The following P2RX1 variants were observed in gnomAD, a reference collection of about 807,000 sequenced individuals.
P2RX1 encodes P2X purinoceptor 1.
A neutral mutation model predicts 50.3 loss-of-function variants in P2RX1; 42 were observed. The ratio of observed to expected loss-of-function variants is 0.83; its 90% CI spans 0.65 to 1.08. P2RX1 has a LOEUF of 1.08. Ranked by LOEUF, P2RX1 falls within the 50% of genes least tolerant of loss-of-function variation. P2RX1 has a pLI of 0.00. For synonymous variants in P2RX1, 199 were observed against 202.6 expected, an observed-to-expected ratio of 0.98 and a Z score of 0.15; for missense variants, 449 against 529.0, an observed-to-expected ratio of 0.85 and a Z score of 1.48.
In P2RX1 at chr17:3,916,102, C is replaced by A. The variant is rs745734995; in HGVS notation, c.124G>T (p.Val42Phe). The A allele has an allele frequency of 3.1e-6, 5 of 1,613,428 alleles. No individual in the cohort carries two copies. In the African/African-American group the frequency reaches 5.3e-5, roughly 17 times the overall value. The change falls in exon 1 of 12, where the codon GTC becomes TTC. Residue 42 changes from valine (V) to phenylalanine (F), a missense_variant. Physicochemically the swap from Val to Phe is conservative, Grantham distance 50. Transcript: ENST00000225538. ...IFRLIQLVVL[V>F]YVIGWVFLYE... ...GCCCGGACTCACCCGATGACGTAGA[C>A]CAGGACCACCAGCTGGATCAGTCGG... is the stretch of plus-strand genomic sequence containing the variant.
Position 3,898,476 on chromosome 17 carries a change from G to C in P2RX1, c.1032+8C>G, listed in dbSNP as rs2143949893. Reference sequence around the variant, plus strand: ...CCAGCACAGTGAGCCGGTGACCCCAGCACTTACCACCCCAAAGATGCCAAT... The same window carrying C: ...CCAGCACAGTGAGCCGGTGACCCCACCACTTACCACCCCAAAGATGCCAAT... On this transcript the variant is annotated splice_region_variant and intron_variant, in intron 10 of 11. Coordinates refer to ENST00000225538, the MANE Select transcript of P2RX1 (RefSeq NM_002558.4). The C allele has an allele frequency of 6.2e-7, 1 of 1,611,550 alleles. No individual in the cohort carries two copies. Among genetic ancestry groups the C allele is most frequent in the African/African-American group, 1.3e-5 (1 of 74,974 alleles).
In P2RX1 at chr17:3,901,816, C is replaced by T. The variant is rs149523742; in HGVS notation, c.747+1386G>A. Among the ~76,000 whole-genome samples the T allele has an allele frequency of 4.9e-3, 749 of 152,210 alleles. 6 individuals carry two copies. Among genetic ancestry groups the T allele is most frequent in the African/African-American group, 0.017 (715 of 41,572 alleles). ...GCGTCAACTCTGCCAGGTGTATAGGCTTCCCACGTGCCAGGCAGCGAGGCA... is the reference window on the plus strand; with the variant it reads ...GCGTCAACTCTGCCAGGTGTATAGGTTTCCCACGTGCCAGGCAGCGAGGCA... On this transcript the variant is annotated intron_variant, in intron 7 of 11. Transcript: ENST00000225538.
chr17:3,902,662 CA>C (rs1194883946), intron 7 of P2RX1, among the ~76,000 whole-genome samples: 1 of 151,218 alleles, frequency 6.6e-6, no homozygotes, highest in African/African-American at 2.4e-5. Flanking sequence ...GGCTGGAGTG[CA>C]GTGGCGCAAT....
intron 7 of P2RX1, among the ~76,000 whole-genome samples, chr17:3,902,218 C>T (rs186736361): frequency 7.2e-5 from 11 of 152,184 alleles, no homozygotes; most frequent in South Asian, 2.1e-4. Flanking sequence ...CTCCGCCTCC[C>T]GGGTTCAAGC....
intron 7 of P2RX1, among the ~76,000 whole-genome samples, chr17:3,902,302 T>A (rs1316147692): frequency 1.4e-5 from 2 of 145,086 alleles, no homozygotes; most frequent in South Asian, 2.2e-4. Flanking sequence ...ATTTTTGTAT[T>A]TTTTTTTTTT....
chr17:3,908,176 C>T lies in P2RX1; in HGVS notation c.138-2809G>A, dbSNP rs570607673. Among the ~76,000 whole-genome samples the T allele has an allele frequency of 7.8e-4, 119 of 152,274 alleles. 1 individual carries two copies. Among genetic ancestry groups the T allele is most frequent in the Non-Finnish European group, 1.2e-3 (84 of 68,024 alleles). On this transcript the variant is annotated intron_variant, in intron 1 of 11. Coordinates refer to ENST00000225538, the MANE Select transcript of P2RX1 (RefSeq NM_002558.4). ...ACAGAGCCACCTGGAGCCCACAAGC[C>T]GGGGCTGATGCACCTTGGAGCTGCC...
In P2RX1 at chr17:3,904,945, A is replaced by T; in HGVS notation, c.286-16T>A. The stretch of plus-strand genomic sequence containing the variant: ...AGTTGTCCCCCTAGAAGTGAGGGGC[A>T]GGGGGAGGGTGGGGTGGGCTGGGAG... On this transcript the variant is annotated splice_polypyrimidine_tract_variant and intron_variant, in intron 2 of 11. Coordinates refer to ENST00000225538, the MANE Select transcript of P2RX1 (RefSeq NM_002558.4). 2.7e-5 allele frequency: 4 copies of T among 148,784 alleles called. No individual in the cohort carries two copies. The highest frequency in any genetic ancestry group is 1.7e-4 in the East Asian group (1 of 5,828). 9.2% of individuals were successfully genotyped at this position (148,784 alleles called of 1,614,324 possible). A position where few individuals can be genotyped will look rare whatever the true frequency, so the allele number is the denominator to read the frequency against.
chr17:3,916,354 G>T lies in P2RX1; in HGVS notation c.-129C>A. ...CCTGGCCCCTTAGGAAGAGCAGGGC[G>T]GTGCAGGTGGAGCCAGAGGACAGGA... On this transcript the variant is annotated 5_prime_UTR_variant, in exon 1 of 12. Transcript: ENST00000225538. The T allele has an allele frequency of 9.4e-7, 1 of 1,059,492 alleles. No individual in the cohort carries two copies. Among genetic ancestry groups the T allele is most frequent in the African/African-American group, 1.6e-5 (1 of 63,208 alleles). 65.6% of individuals were successfully genotyped at this position (1,059,492 alleles called of 1,614,324 possible).
chr17:3,909,870 T>C (rs1597525940), intron 1 of P2RX1, among the ~76,000 whole-genome samples: 1 of 151,586 alleles, frequency 6.6e-6, no homozygotes, highest in African/African-American at 2.4e-5. Flanking sequence ...AGGCTCTTAA[T>C]ACCCCCAATA....
chr17:3,899,161 G>C (rs1393239488), intron 8 of P2RX1, 137 bp from the exon 9 acceptor site: 1 of 648,100 alleles, frequency 1.5e-6, no homozygotes, highest in Non-Finnish European at 2.8e-6. Context: ...AGGATCCCAG[G>C]CCTCATTCTG....
chr17:3,912,646 ATC>A (rs1020044760), intron 1 of P2RX1, among the ~76,000 whole-genome samples: 2 of 152,050 alleles, frequency 1.3e-5, no homozygotes, highest in Admixed American at 6.5e-5. Flanking sequence ...TTCCTTTTAA[ATC>A]TGTTTGATTA....
At position 3,913,860 on chromosome 17, in the gene P2RX1, T is replaced by TGG. The variant is rs11410901; in HGVS notation, c.137+2227_137+2228dup. ...CAAAGTGCTGAGCTGAGTGCACTCT[T>TGG]GGGGGGGGTGGTCCCCTGCAACCCG... On this transcript the variant is annotated intron_variant, in intron 1 of 11. Coordinates refer to ENST00000225538, the MANE Select transcript of P2RX1 (RefSeq NM_002558.4). Among the ~76,000 whole-genome samples the TGG allele has an allele frequency of 2.0e-3, 294 of 144,252 alleles. 2 individuals carry two copies. The highest frequency in any genetic ancestry group is 7.3e-3 in the Middle Eastern group (2 of 274). The allele number at this position is 144,252 out of a possible 152,430, so 94.6% of individuals were successfully genotyped here. A position where few individuals can be genotyped will look rare whatever the true frequency, so the allele number is the denominator to read the frequency against.
chr17:3,900,143 G>C (rs551371058), intron 7 of P2RX1, among the ~76,000 whole-genome samples: 93 of 149,768 alleles, frequency 6.2e-4, no homozygotes, highest in Non-Finnish European at 7.4e-4. Flanking sequence ...GCTGGTACAC[G>C]CACTCTCTCA....
intron 7 of P2RX1, among the ~76,000 whole-genome samples, chr17:3,902,634 A>C (rs1567651094): frequency 7.3e-6 from 1 of 137,126 alleles, no homozygotes. Flanking sequence ...TTGAGATGGA[A>C]TCTTGCTCCA....
chr17:3,908,523 T>C (rs946636312), intron 1 of P2RX1, among the ~76,000 whole-genome samples: 82 of 152,150 alleles, frequency 5.4e-4, no homozygotes, highest in African/African-American at 1.9e-3. Flanking sequence ...GATTGCACTC[T>C]GCACCCCAGC....
Position 3,901,213 on chromosome 17 carries a change from G to A in P2RX1, c.748-1452C>T, listed in dbSNP as rs534700565. On this transcript the variant is annotated intron_variant, in intron 7 of 11. Transcript: ENST00000225538. ...CTCCTGAGTAGCTGAGATTACAGGTGCCCGCCACCATGCCCGGCTAATTTT... is the reference window on the plus strand; with the variant it reads ...CTCCTGAGTAGCTGAGATTACAGGTACCCGCCACCATGCCCGGCTAATTTT... Among the ~76,000 whole-genome samples the A allele has an allele frequency of 4.2e-3, 645 of 152,272 alleles. 4 individuals are homozygous for A. The highest frequency in any genetic ancestry group is 0.015 in the African/African-American group (613 of 41,534).
chr17:3,899,640 T>C lies in P2RX1; in HGVS notation c.869A>G (p.Asn290Ser). The change falls in exon 8 of 12, where the codon AAC becomes AGC. Residue 290 changes from asparagine (N) to serine (S), a missense_variant. Asn to Ser is a conservative substitution (Grantham distance 46, BLOSUM62 1). Transcript: ENST00000225538. ...CTGGGGGCCTGGCAGACACCTGAAG[T>C]TGAAGCCTGGGGAGAGATTTTTCTC... ...YEEKNLSPGF[N>S]FRFARHFVEN... 6.2e-7 allele frequency: 1 copy of C among 1,613,300 alleles called. No homozygotes were observed. Among genetic ancestry groups the C allele is most frequent in the Non-Finnish European group, 8.5e-7 (1 of 1,179,494 alleles).
rs760699363 is a variant in P2RX1, at chr17:3,903,904, C to T, written c.524+24G>A. 2 of 1,587,226 alleles carry T rather than the reference C, an allele frequency of 1.3e-6. No individual in the cohort carries two copies. Among genetic ancestry groups the T allele is most frequent in the East Asian group, 2.2e-5 (1 of 44,744 alleles). ...GTCTGGCCTGGGACCCTGTTCTTAG[C>T]TCTCTGGAAGGTCAGAGTGTTACCG... On this transcript the variant is annotated intron_variant, in intron 5 of 11. Coordinates refer to ENST00000225538, the MANE Select transcript of P2RX1 (RefSeq NM_002558.4). This position sits in a 1 kb window ranked among gnomAD's most constrained non-coding sequence, Gnocchi z 4.6.
intron 1 of P2RX1, among the ~76,000 whole-genome samples, chr17:3,911,136 GC>G (rs1229075878): frequency 6.7e-6 from 1 of 150,218 alleles, no homozygotes; most frequent in African/African-American, 2.5e-5. Flanking sequence ...ACAGGCACGC[GC>G]CACCACACCT....
Sources: gnomAD v4.1 joint callset for allele counts (sites outside exome capture counted in the v4.1 genomes callset) on GRCh38, gnomAD v4.1.1 for gene constraint, Gnocchi (gnomAD v3.1) non-coding constraint, MANE v1.5 for transcripts, NCBI Gene and HGNC (gene_info 2026-07-23, HGNC 2026-07-21) for gene names.